The following ADCY3 variants were observed in gnomAD, a reference collection of about 807,000 sequenced individuals.
ADCY3 encodes the protein adenylate cyclase 3, also known as adenylate cyclase type 3.
ADCY3 carries 70 observed loss-of-function variants against 119.4 expected under a neutral mutation model. The observed-to-expected ratio is 0.59, with a 90% CI of 0.48 to 0.72. ADCY3 has a LOEUF of 0.72. ADCY3 is among the 30% of genes least tolerant of loss of function. The pLI is 0.00. For missense variants in ADCY3, 1,238 were observed against 1,541.6 expected, an observed-to-expected ratio of 0.80 and a Z score of 3.30; for synonymous variants, 672 against 621.4, an observed-to-expected ratio of 1.08 and a Z score of -1.21.
At chr2:24,824,352 T>C in intron 17 of ADCY3, 26 bp downstream of exon 17, 1 of 1,611,370 alleles carries the variant, frequency 6.2e-7, no homozygotes, top group Non-Finnish European at 8.5e-7. Flanking sequence ...GGCCTCATGG[T>C]TCCGGGCTGA....
intron 2 of ADCY3, among the ~76,000 whole-genome samples, chr2:24,911,586 G>A (rs974649930): frequency 6.7e-6 from 1 of 149,730 alleles, no homozygotes; most frequent in African/African-American, 2.5e-5. Flanking sequence ...GGAAGCGGAG[G>A]CTGCAGTGAG....
chr2:24,891,031 A>C (rs1677589559), intron 2 of ADCY3, among the ~76,000 whole-genome samples: 1 of 151,916 alleles, frequency 6.6e-6, no homozygotes, highest in Admixed American at 6.6e-5. Context: ...CACCACACCC[A>C]GCAATTTTTT....
rs768271239 is a variant in ADCY3 at position 24,819,973 on chromosome 2, G to C, written c.3394C>G (p.Pro1132Ala). ...ACCTGGTGGGGCAGTGTGACAGAGGGGCCATTGGGGAAGGTGGCTAGCTTA... is the reference window on the plus strand; with the variant it reads ...ACCTGGTGGGGCAGTGTGACAGAGGCGCCATTGGGGAAGGTGGCTAGCTTA... ...RDKLATFPNG[P>A]SVTLPHQVVD... Residue 1132 changes from proline (P) to alanine (A), a missense_variant, in exon 22 of 22, where the codon CCC (proline) becomes GCC (alanine). Transcript: ENST00000679454. The C allele has an allele frequency of 6.2e-6, 10 of 1,613,660 alleles. No individual in the cohort carries two copies. The highest frequency in any genetic ancestry group is 8.5e-6 in the Non-Finnish European group (10 of 1,179,878).
In ADCY3 at chr2:24,834,434, G is replaced by A. The variant is rs370969187; in HGVS notation, c.1967+51C>T. The stretch of plus-strand genomic sequence containing the variant: ...AGACACCTGCCCCCGCCCCCCGCCC[G>A]GCACCACCGCAGCCGAGGAAACTCG... On this transcript the variant is annotated intron_variant, in intron 11 of 21. Coordinates refer to ENST00000679454, the MANE Select transcript of ADCY3 (RefSeq NM_004036.5). The surrounding 1 kb of genome is among the most constrained non-coding windows in gnomAD (Gnocchi z 4.2). The A allele has an allele frequency of 2.3e-5, 31 of 1,375,942 alleles. No individual in the cohort carries two copies. The highest frequency in any genetic ancestry group is 2.2e-4 in the South Asian group (12 of 55,340). The allele number at this position is 1,375,942 out of a possible 1,614,324, so 85.2% of individuals were successfully genotyped here.
intron 3 of ADCY3, among the ~76,000 whole-genome samples, chr2:24,855,402 A>G (rs1672877685): frequency 6.6e-6 from 1 of 152,226 alleles, no homozygotes; most frequent in South Asian, 2.1e-4. Context: ...GTGAACTCCC[A>G]TTCCCAGAAA....
rs374158313 is a variant in ADCY3, at chr2:24,905,894, C to T, written c.675+12419G>A. Reference sequence around the variant, plus strand: ...TGGGGGAGCTCCTGGTGGTTCAAGTCGAATGACTGTGACGCCAGTGCTTTG... The same window carrying T: ...TGGGGGAGCTCCTGGTGGTTCAAGTTGAATGACTGTGACGCCAGTGCTTTG... On this transcript the variant is annotated intron_variant, in intron 2 of 21. Coordinates refer to ENST00000679454, the MANE Select transcript of ADCY3 (RefSeq NM_004036.5). Among the ~76,000 whole-genome samples, 9 of 152,294 alleles carry T rather than the reference C, an allele frequency of 5.9e-5. No homozygotes were observed. In the South Asian group the frequency reaches 6.2e-4, roughly 11 times the overall value.
chr2:24,877,553 G>A (rs1013885353), intron 2 of ADCY3, among the ~76,000 whole-genome samples: 1 of 152,212 alleles, frequency 6.6e-6, no homozygotes, highest in Non-Finnish European at 1.5e-5. Flanking sequence ...AGGAGGAGAG[G>A]TGTGAACAGT....
At chr2:24,873,657 G>T (rs1675303551) in intron 2 of ADCY3, among the ~76,000 whole-genome samples, 1 of 152,214 alleles carries the variant, frequency 6.6e-6, no homozygotes, top group Non-Finnish European at 1.5e-5. Flanking sequence ...CCATGCCTGG[G>T]CCCCAACATG....
At chr2:24,911,171 C>A (rs929361781) in intron 2 of ADCY3, among the ~76,000 whole-genome samples, 4 of 151,832 alleles carry the variant, frequency 2.6e-5, no homozygotes, top group Non-Finnish European at 4.4e-5. Flanking sequence ...AAACCCTAAC[C>A]CCGTTGGAAC....
At chr2:24,849,898 G>A (rs970113061) in intron 3 of ADCY3, among the ~76,000 whole-genome samples, 5 of 152,096 alleles carry the variant, frequency 3.3e-5, no homozygotes, top group Non-Finnish European at 4.4e-5. Context: ...CCTTTGGCAC[G>A]GTATCTGGAT....
intron 3 of ADCY3, among the ~76,000 whole-genome samples, chr2:24,870,129 T>C (rs888429297): frequency 2.0e-5 from 3 of 149,004 alleles, no homozygotes; most frequent in African/African-American, 7.4e-5. Context: ...CTGGCCAACA[T>C]GGTGAAACCC....
intron 20 of ADCY3, 163 bp downstream of exon 20, chr2:24,821,354 G>A (rs753190943): frequency 3.8e-5 from 39 of 1,034,602 alleles, no homozygotes; most frequent in Middle Eastern, 3.1e-4. Flanking sequence ...ATCTAGAGTC[G>A]TCTGGACTAA....
chr2:24,889,761 G>A (rs1470563460), intron 2 of ADCY3, among the ~76,000 whole-genome samples: 2 of 152,322 alleles, frequency 1.3e-5, no homozygotes, highest in Middle Eastern at 3.4e-3. Flanking sequence ...GCTTGAACCC[G>A]GGAGGCGGAG....
intron 2 of ADCY3, among the ~76,000 whole-genome samples, chr2:24,889,570 C>T (rs1012464382): frequency 3.9e-5 from 6 of 152,322 alleles, no homozygotes; most frequent in African/African-American, 9.6e-5. Context: ...CAGTGGCTCA[C>T]GCCTGTAATC....
intron 21 of ADCY3, 87 bp downstream of exon 21, chr2:24,820,637 G>A (rs533566651): frequency 8.9e-6 from 14 of 1,576,138 alleles, no homozygotes; most frequent in African/African-American, 6.7e-5. Flanking sequence ...GGGCCAGGGT[G>A]GGAGGCAGGG....
intron 3 of ADCY3, among the ~76,000 whole-genome samples, chr2:24,852,345 G>T (rs1203904110): frequency 6.6e-6 from 1 of 152,198 alleles, no homozygotes; most frequent in Non-Finnish European, 1.5e-5. Context: ...GGGGTGGGGG[G>T]TACAGGGGCA....
chr2:24,882,588 A>G (rs1026852521), intron 2 of ADCY3, among the ~76,000 whole-genome samples: 3 of 152,228 alleles, frequency 2.0e-5, no homozygotes, highest in Admixed American at 6.5e-5. Flanking sequence ...TCTAGGCCAA[A>G]TAATTCCAAT....
At chr2:24,881,164 C>T (rs530484394) in intron 2 of ADCY3, among the ~76,000 whole-genome samples, 1 of 152,318 alleles carries the variant, frequency 6.6e-6, no homozygotes, top group East Asian at 1.9e-4. Flanking sequence ...GTCACCAGAA[C>T]ACCACACACT....
At chr2:24,873,089 T>C (rs1021146382) in intron 2 of ADCY3, among the ~76,000 whole-genome samples, 3 of 152,204 alleles carry the variant, frequency 2.0e-5, no homozygotes, top group Non-Finnish European at 2.9e-5. Flanking sequence ...CTGCCACCCA[T>C]TCATTCCTTC....
Sources: allele counts gnomAD v4.1 joint callset (sites outside exome capture counted in the v4.1 genomes callset), GRCh38; gene constraint gnomAD v4.1.1; non-coding constraint Gnocchi (gnomAD v3.1); transcripts MANE v1.5; gene names NCBI Gene and HGNC (gene_info 2026-07-23, HGNC 2026-07-21).